DCC: variants seen among roughly 807,000 people sequenced by gnomAD.
DCC encodes DCC netrin 1 receptor.
Under a neutral mutation model 172.5 loss-of-function variants are expected in DCC, and 58 were observed. That is an observed-to-expected ratio of 0.34 (90% confidence interval 0.27 to 0.42). DCC has a LOEUF of 0.42. Among genes scored for constraint, DCC ranks in the 10% least tolerant of loss-of-function variants. The pLI, the probability that DCC is intolerant of heterozygous loss-of-function variation, is 1.00. For missense variants in DCC, 1,740 were observed against 1,791.0 expected (o/e 0.97, Z 0.51); for synonymous variants, 709 against 644.5 (o/e 1.10, Z -1.52).
chr18:52,517,136 C>T (rs980235975), intron 1 of DCC, among the ~76,000 whole-genome samples: 20 of 152,290 alleles, frequency 1.3e-4, no homozygotes, highest in African/African-American at 3.4e-4. Context: ...ACCCAACCTC[C>T]GACTTTCAAT....
At chr18:52,656,571 T>C (rs75902250) in intron 1 of DCC, among the ~76,000 whole-genome samples, 20,443 of 152,176 alleles carry the variant, frequency 0.13, 1,522 homozygotes, top group Admixed American at 0.2. Context: ...ACATATTATG[T>C]GACATGTGAA....
intron 20 of DCC, among the ~76,000 whole-genome samples, chr18:53,413,374 A>G (rs1330765084): frequency 6.6e-6 from 1 of 152,230 alleles, no homozygotes; most frequent in African/African-American, 2.4e-5. Context: ...ACAAAAATAC[A>G]TGATTTTTCT....
chr18:53,474,499 G>A (rs1191843021), intron 25 of DCC, among the ~76,000 whole-genome samples: 1 of 152,042 alleles, frequency 6.6e-6, no homozygotes, highest in African/African-American at 2.4e-5. Context: ...TTGAATCAGG[G>A]GCAGGTCTTT....
chr18:52,964,715 TA>T (rs200346805), intron 5 of DCC, among the ~76,000 whole-genome samples: 2,052 of 152,228 alleles, frequency 0.013, 61 homozygotes, highest in African/African-American at 0.047. Context: ...ACTGCTGTTT[TA>T]AAAAAATTAC....
chr18:53,131,137 G>GT (rs2043645200), intron 7 of DCC, among the ~76,000 whole-genome samples: 1 of 151,982 alleles, frequency 6.6e-6, no homozygotes, highest in South Asian at 2.1e-4. Context: ...CATCATGAGG[G>GT]TTTTGAGGGT....
chr18:53,384,457 C>A (rs944547645), intron 15 of DCC, among the ~76,000 whole-genome samples: 1 of 151,982 alleles, frequency 6.6e-6, no homozygotes, highest in Non-Finnish European at 1.5e-5. Context: ...CTCCTATTAT[C>A]TGTACGTTAG....
intron 1 of DCC, among the ~76,000 whole-genome samples, chr18:52,591,373 A>G (rs2033795843): frequency 1.3e-5 from 2 of 152,188 alleles, no homozygotes. Flanking sequence ...CATTTTGCAA[A>G]CTGCTTTTTT....
intron 1 of DCC, among the ~76,000 whole-genome samples, chr18:52,410,464 T>A (rs1290545404): frequency 6.6e-6 from 1 of 152,142 alleles, no homozygotes; most frequent in Non-Finnish European, 1.5e-5. Flanking sequence ...AACAACTGTA[T>A]GAAAAGTTTT....
intron 1 of DCC, among the ~76,000 whole-genome samples, chr18:52,520,348 A>G (rs2031774085): frequency 6.6e-6 from 1 of 152,244 alleles, no homozygotes; most frequent in Non-Finnish European, 1.5e-5. Context: ...TGCTATAATC[A>G]GTAAATCCAA....
At chr18:53,163,189 A>C (rs1425324713) in intron 8 of DCC, among the ~76,000 whole-genome samples, 1 of 152,224 alleles carries the variant, frequency 6.6e-6, no homozygotes, top group Non-Finnish European at 1.5e-5. Flanking sequence ...GTCCAGTATC[A>C]TGCCTCATGT....
At chr18:52,838,026 C>G (rs562601697) in intron 2 of DCC, among the ~76,000 whole-genome samples, 39 of 152,228 alleles carry the variant, frequency 2.6e-4, no homozygotes, top group South Asian at 2.5e-3. Flanking sequence ...CTCACTATCA[C>G]GAGAACAGGG....
At chr18:52,569,187 T>C (rs920621106) in intron 1 of DCC, among the ~76,000 whole-genome samples, 7 of 152,234 alleles carry the variant, frequency 4.6e-5, no homozygotes, top group African/African-American at 7.2e-5. Context: ...TGTGAAGCAC[T>C]GGGCTGGATA....
At chr18:53,164,332 A>G (rs1054559576) in intron 8 of DCC, among the ~76,000 whole-genome samples, 1 of 152,068 alleles carries the variant, frequency 6.6e-6, no homozygotes, top group African/African-American at 2.4e-5. Context: ...TGCAGCCTCA[A>G]ACTCCTGGGC....
chr18:53,147,590 C>G (rs1006784586), intron 7 of DCC, among the ~76,000 whole-genome samples: 1 of 152,164 alleles, frequency 6.6e-6, no homozygotes, highest in Non-Finnish European at 1.5e-5. Context: ...GCCAAGTGCA[C>G]TGCACACAAA....
chr18:53,528,478 CAT>C (rs902797581), intron 28 of DCC, among the ~76,000 whole-genome samples: 1 of 152,028 alleles, frequency 6.6e-6, no homozygotes, highest in Non-Finnish European at 1.5e-5. Context: ...TATCTCATCT[CAT>C]AAAGAATCAT....
At chr18:53,143,879 T>A (rs2043867289) in intron 7 of DCC, among the ~76,000 whole-genome samples, 1 of 152,258 alleles carries the variant, frequency 6.6e-6, no homozygotes, top group South Asian at 2.1e-4. Context: ...CCATCCCATT[T>A]GAAGCTTAAC....
At chr18:52,685,993 A>C (rs1270355837) in intron 1 of DCC, among the ~76,000 whole-genome samples, 1 of 152,082 alleles carries the variant, frequency 6.6e-6, no homozygotes, top group Non-Finnish European at 1.5e-5. Flanking sequence ...ATCAATATTG[A>C]AGACAATTCT....
chr18:52,971,506 TGC>T (rs1491085653), intron 5 of DCC, among the ~76,000 whole-genome samples: 1 of 151,280 alleles, frequency 6.6e-6, no homozygotes, highest in Non-Finnish European at 1.5e-5. Context: ...CGTGTGTGTG[TGC>T]GCGCACACAC....
intron 1 of DCC, among the ~76,000 whole-genome samples, chr18:52,640,670 C>T (rs1310233609): frequency 6.6e-6 from 1 of 151,276 alleles, no homozygotes; most frequent in Non-Finnish European, 1.5e-5. Context: ...AGTTGAAAGA[C>T]CTCTACAAGG....
Sources: allele counts gnomAD v4.1 joint callset (sites outside exome capture counted in the v4.1 genomes callset), GRCh38; gene constraint gnomAD v4.1.1; transcripts MANE v1.5; gene names NCBI Gene and HGNC (gene_info 2026-07-23, HGNC 2026-07-21).